The following HERPUD1 variants were observed in gnomAD, a reference collection of about 807,000 sequenced individuals.
HERPUD1 encodes homocysteine inducible ER protein with ubiquitin like domain 1, also known as homocysteine-responsive endoplasmic reticulum-resident ubiquitin-like domain member 1 protein.
HERPUD1 carries 17 observed loss-of-function variants against 45.0 expected under a neutral mutation model. That is an observed-to-expected ratio of 0.38 (90% CI 0.26 to 0.57). The LOEUF (loss-of-function observed/expected upper bound fraction) is 0.57. Ranked by LOEUF, HERPUD1 falls within the 20% of genes least tolerant of loss-of-function variation. HERPUD1 has a pLI of 0.72. For synonymous variants in HERPUD1, 164 were observed against 177.5 expected (o/e 0.92, Z 0.61); for missense variants, 420 against 490.5 (o/e 0.86, Z 1.36).
intron 4 of HERPUD1, among the ~76,000 whole-genome samples, chr16:56,937,719 G>T (rs1034389930): frequency 1.3e-5 from 2 of 148,910 alleles, no homozygotes; most frequent in African/African-American, 5.0e-5. Flanking sequence ...TAGTTATCTT[G>T]TATATCTAGA....
chr16:56,942,191 GTCC>G lies in HERPUD1; in HGVS notation c.973_975del (p.Pro325del), dbSNP rs777716582. 3.1e-6 allele frequency: 5 copies of G among 1,613,954 alleles called. No homozygotes were observed. In the South Asian group the frequency reaches 4.4e-5, roughly 14 times the overall value. On this transcript the variant is annotated inframe_deletion, in exon 7 of 8. Coordinates refer to ENST00000439977, the MANE Select transcript of HERPUD1 (RefSeq NM_014685.4). ...CCGGTTCAGAACTTCCCAAATGATG[GTCC>G]TCCTCCTGACGTTGTAAATCAGGAC...
chr16:56,933,413 GT>G, intron 1 of HERPUD1: 1 of 449,888 alleles, frequency 2.2e-6, no homozygotes, highest in Admixed American at 2.4e-5. Context: ...ACATTTTTCA[GT>G]TTCACCATAG....
chr16:56,932,307 C>T lies in HERPUD1; in HGVS notation c.63C>T (p.His21=), dbSNP rs757336255. The T allele has an allele frequency of 2.5e-6, 4 of 1,608,592 alleles. No homozygotes were observed. In the South Asian group the frequency reaches 3.3e-5, roughly 13 times the overall value. ...TGGTGAAGAGCCCCAACCAGCGCCA[C>T]CGCGACTTGGAGCTGAGTGGCGACC... ...TLLVKSPNQR[H]RDLELSGDRG... is the part of the protein sequence containing the mutation. Residue 21 remains histidine (H), a synonymous_variant, in exon 1 of 8, where the codon CAC becomes CAT. Transcript: ENST00000439977.
chr16:56,932,430 C>T (rs556493837), intron 1 of HERPUD1, 39 bp downstream of exon 1: 17 of 1,485,486 alleles, frequency 1.1e-5, no homozygotes, highest in Middle Eastern at 2.4e-4. Flanking sequence ...AGGCTGTGGC[C>T]CCCCGCCCTC....
rs1448692787 is a variant in HERPUD1 at position 56,944,307 on chromosome 16, CAAATTT to C, written c.*1025_*1030del. 3 of 152,140 alleles carry C rather than the reference CAAATTT, an allele frequency of 2.0e-5. No individual in the cohort carries two copies. The highest frequency in any genetic ancestry group is 7.2e-5 in the African/African-American group (3 of 41,394). 9.4% of individuals were successfully genotyped at this position (152,140 alleles called of 1,614,324 possible). On this transcript the variant is annotated 3_prime_UTR_variant, in exon 8 of 8. Coordinates refer to ENST00000439977, the MANE Select transcript of HERPUD1 (RefSeq NM_014685.4). Reference sequence around the variant, plus strand: ...AGGAACCCATCAAAGTTAAATTCCCCAAATTTAAATTTAGTAAATTTAGTGGTTTCA... The same window carrying C: ...AGGAACCCATCAAAGTTAAATTCCCCAAATTTAGTAAATTTAGTGGTTTCA...
chr16:56,941,758 A>G (rs2055911418), intron 6 of HERPUD1: 1 of 156,016 alleles, frequency 6.4e-6, no homozygotes. Flanking sequence ...TCATATATTT[A>G]AAAGACCAAA....
At chr16:56,939,753 G>T (rs974055940) in intron 5 of HERPUD1, 142 bp from the exon 6 acceptor site, 1 of 642,710 alleles carries the variant, frequency 1.6e-6, no homozygotes, top group Non-Finnish European at 2.7e-6. Context: ...TAGTAAGGAA[G>T]TTCTTCACTA....
In HERPUD1 at chr16:56,940,166, G is replaced by A. The variant is rs528661455; in HGVS notation, c.826G>A (p.Val276Ile). The change falls in exon 6 of 8, where the codon GTT (valine) becomes ATT (isoleucine). Residue 276 changes from valine to isoleucine, a missense_variant. Coordinates refer to ENST00000439977, the MANE Select transcript of HERPUD1 (RefSeq NM_014685.4). ...DWTYSAATFS[V>I]FLSILYFYSS... ...GACCTATTCAGCAGCTACATTTTCT[G>A]TTTTTCTCAGTATCCTCTACTTCTA... The A allele has an allele frequency of 3.1e-6, 5 of 1,614,192 alleles. No individual in the cohort carries two copies. Among genetic ancestry groups the A allele is most frequent in the Middle Eastern group, 1.6e-4 (1 of 6,062 alleles).
intron 6 of HERPUD1, chr16:56,941,451 CACA>C (rs2055909192): frequency 2.0e-5 from 3 of 152,208 alleles, no homozygotes; most frequent in Admixed American, 2.0e-4. Context: ...TTCTACAATG[CACA>C]GGACAACTCC....
At chr16:56,937,776 T>C (rs2055877819) in intron 4 of HERPUD1, among the ~76,000 whole-genome samples, 3 of 151,104 alleles carry the variant, frequency 2.0e-5, no homozygotes, top group African/African-American at 7.3e-5. Flanking sequence ...CTTTATCATT[T>C]TATTTCCATG....
chr16:56,934,690 T>A, intron 1 of HERPUD1, among the ~76,000 whole-genome samples: 1 of 146,696 alleles, frequency 6.8e-6, no homozygotes, highest in Non-Finnish European at 1.5e-5. Flanking sequence ...GGACTGGAGA[T>A]AATTTGCCAT....
chr16:56,941,593 T>G (rs2055910136), intron 6 of HERPUD1: 1 of 152,230 alleles, frequency 6.6e-6, no homozygotes, highest in South Asian at 2.1e-4. Context: ...ATTTTTATTT[T>G]AGCTTTTAAA....
rs776712905 is a variant in HERPUD1, at chr16:56,932,280, C to T, written c.36C>T (p.Leu12=). 9 of 1,609,170 alleles carry T rather than the reference C, an allele frequency of 5.6e-6. No homozygotes were observed. The highest frequency in any genetic ancestry group is 7.6e-6 in the Non-Finnish European group (9 of 1,179,442). ...ESETEPEPVT[L]LVKSPNQRHR... ...AGACCGAACCCGAGCCCGTCACGCTCCTGGTGAAGAGCCCCAACCAGCGCC... is the reference window on the plus strand; with the variant it reads ...AGACCGAACCCGAGCCCGTCACGCTTCTGGTGAAGAGCCCCAACCAGCGCC... The change falls in exon 1 of 8, where the codon CTC becomes CTT. Residue 12 remains leucine (L), a synonymous_variant. Transcript: ENST00000439977.
intron 3 of HERPUD1, 186 bp from the exon 4 acceptor site, chr16:56,936,501 G>T (rs1000552613): frequency 7.7e-6 from 3 of 391,924 alleles, no homozygotes. Flanking sequence ...TAGCATCTAT[G>T]TATTGAAAAT....
chr16:56,943,431 C>A lies in HERPUD1; in HGVS notation c.*141C>A. On this transcript the variant is annotated 3_prime_UTR_variant, in exon 8 of 8. Coordinates refer to ENST00000439977, the MANE Select transcript of HERPUD1 (RefSeq NM_014685.4). ...ATGATGATATGCTTTTGTGAGCAAG[C>A]AAAAGCAGAAACGTGAAGCCGTGAT... 1 of 993,006 alleles carries A rather than the reference C, an allele frequency of 1.0e-6. No homozygotes were observed. Among genetic ancestry groups the A allele is most frequent in the Non-Finnish European group, 1.6e-6 (1 of 626,594 alleles). 61.5% of individuals were successfully genotyped at this position (993,006 alleles called of 1,614,324 possible). A position where few individuals can be genotyped will look rare whatever the true frequency, so the allele number is the denominator to read the frequency against.
rs1354647522 is a variant in HERPUD1 at position 56,932,181 on chromosome 16, G to C, written c.-64G>C. ...AACTGTCGTTGCAGAGATTGCGGGC[G>C]GCTGAGACGCCGCCTGCCTGGCACC... On this transcript the variant is annotated 5_prime_UTR_variant, in exon 1 of 8. Coordinates refer to ENST00000439977, the MANE Select transcript of HERPUD1 (RefSeq NM_014685.4). The C allele has an allele frequency of 1.9e-6, 3 of 1,576,322 alleles. No individual in the cohort carries two copies. Among genetic ancestry groups the C allele is most frequent in the Non-Finnish European group, 2.6e-6 (3 of 1,167,806 alleles).
At position 56,940,234 on chromosome 16, in the gene HERPUD1, T is replaced by G; in HGVS notation, c.894T>G (p.Val298=). ...TCCTCATGGTCATGGGGGCCACCGT[T>G]GTTATGTACCTGTAAGCAGATGGTT... The part of the protein sequence containing the change: ...SRFLMVMGAT[V]VMYLHHVGWF... The change falls in exon 6 of 8, where the codon GTT becomes GTG. Residue 298 remains valine, a synonymous_variant. Transcript: ENST00000439977. 6.2e-7 allele frequency: 1 copy of G among 1,608,048 alleles called. No individual in the cohort carries two copies.
At chr16:56,936,428 A>G (rs2055866714) in intron 3 of HERPUD1, 1 of 232,042 alleles carries the variant, frequency 4.3e-6, no homozygotes. Flanking sequence ...CTCACCAATG[A>G]CAACTTCATT....
Position 56,935,303 on chromosome 16 carries a change from G to T in HERPUD1, c.216G>T (p.Leu72Phe), listed in dbSNP as rs1430687859. 1.2e-6 allele frequency: 2 copies of T among 1,613,774 alleles called. No individual in the cohort carries two copies. Among genetic ancestry groups the T allele is most frequent in the Non-Finnish European group, 1.7e-6 (2 of 1,179,668 alleles). The change falls in exon 2 of 8, where the codon TTG becomes TTT. Residue 72 changes from leucine (L) to phenylalanine (F), a missense_variant. Coordinates refer to ENST00000439977, the MANE Select transcript of HERPUD1 (RefSeq NM_014685.4). Reference protein sequence around the residue: ...LLLDHQCLRDLLPKQEKRHVL... With the variant: ...LLLDHQCLRDFLPKQEKRHVL... ...TGGATCACCAATGTCTCAGGGACTT[G>T]CTTCCAAAGGTACATCACTTACACA... is the stretch of plus-strand genomic sequence containing the variant.
Sources: gnomAD v4.1 joint callset for allele counts (sites outside exome capture counted in the v4.1 genomes callset) on GRCh38, gnomAD v4.1.1 for gene constraint, MANE v1.5 for transcripts, NCBI Gene and HGNC (gene_info 2026-07-23, HGNC 2026-07-21) for gene names.